GADL1: variants seen among roughly 807,000 people sequenced by gnomAD.
GADL1 encodes the protein acidic amino acid decarboxylase GADL1.
A neutral mutation model predicts 69.5 loss-of-function variants in GADL1; 71 were observed. The observed-to-expected ratio is 1.02, with a 90% CI of 0.84 to 1.25. The LOEUF (loss-of-function observed/expected upper bound fraction) is 1.25, where lower values mean the gene tolerates loss of function less well. Among genes scored for constraint, GADL1 ranks in the 50% most tolerant of loss-of-function variants. The probability of loss-of-function intolerance (pLI) is 0.00; values close to 1 mark genes in which losing one functional copy is unlikely to be tolerated. For missense variants in GADL1, 737 were observed against 631.8 expected, an observed-to-expected ratio of 1.17 and a Z score of -1.79; for synonymous variants, 254 against 214.4, an observed-to-expected ratio of 1.18 and a Z score of -1.62.
chr3:30,822,410 GC>G (rs562500225), intron 11 of GADL1, among the ~76,000 whole-genome samples: 36 of 152,112 alleles, frequency 2.4e-4, no homozygotes, highest in African/African-American at 7.7e-4. Context: ...TGAATTAGCT[GC>G]TTTCGTGGTA....
chr3:30,889,084 T>TTAA (rs747921613), intron 1 of GADL1, among the ~76,000 whole-genome samples: 5 of 32,914 alleles, frequency 1.5e-4, no homozygotes, highest in Admixed American at 4.6e-4. Flanking sequence ...CGGTAATCTA[T>TTAA]AAAAAAAAAA....
At chr3:30,822,230 C>G (rs1697594719) in intron 11 of GADL1, among the ~76,000 whole-genome samples, 1 of 151,974 alleles carries the variant, frequency 6.6e-6, no homozygotes, top group African/African-American at 2.4e-5. Flanking sequence ...GTTTAGCTTC[C>G]CATGTTTCTG....
chr3:30,777,753 C>CAT (rs1221975346), intron 14 of GADL1, among the ~76,000 whole-genome samples: 8 of 152,202 alleles, frequency 5.3e-5, no homozygotes, highest in Non-Finnish European at 1.2e-4. Context: ...GGGTGTAAGA[C>CAT]ATAGGGCCTT....
chr3:30,809,575 A>G (rs1000081436), intron 11 of GADL1, among the ~76,000 whole-genome samples: 5 of 152,148 alleles, frequency 3.3e-5, no homozygotes, highest in African/African-American at 1.2e-4. Context: ...GCATTTTCCA[A>G]TCACTGGTAT....
intron 1 of GADL1, among the ~76,000 whole-genome samples, chr3:30,872,074 C>T (rs1384350290): frequency 6.6e-6 from 1 of 151,878 alleles, no homozygotes. Flanking sequence ...AATAAGGCAG[C>T]TCTCCAAACC....
At chr3:30,800,122 T>A (rs1324129975) in intron 12 of GADL1, 1 of 152,794 alleles carries the variant, frequency 6.5e-6, no homozygotes, top group East Asian at 1.9e-4. Flanking sequence ...CCCATTCTAC[T>A]GGTACTAATT....
intron 1 of GADL1, among the ~76,000 whole-genome samples, chr3:30,880,321 C>G (rs1698626758): frequency 6.6e-6 from 1 of 151,586 alleles, no homozygotes; most frequent in Admixed American, 6.6e-5. Context: ...TGGCTGTGTC[C>G]CCACCCAAAT....
chr3:30,868,144 T>C (rs1698430944), intron 1 of GADL1, among the ~76,000 whole-genome samples: 1 of 152,078 alleles, frequency 6.6e-6, no homozygotes, highest in South Asian at 2.1e-4. Flanking sequence ...TAGGCTTTTA[T>C]AGTAAATGAG....
At chr3:30,767,439 G>C (rs1244743873) in intron 14 of GADL1, among the ~76,000 whole-genome samples, 2 of 152,088 alleles carry the variant, frequency 1.3e-5, no homozygotes, top group Non-Finnish European at 2.9e-5. Flanking sequence ...CAATAGAACA[G>C]ATTGGAAAAC....
chr3:30,801,563 C>A (rs2125507459), intron 11 of GADL1, among the ~76,000 whole-genome samples: 1 of 152,194 alleles, frequency 6.6e-6, no homozygotes, highest in Admixed American at 6.5e-5. Flanking sequence ...GGGATAAAAA[C>A]CCAGTGAAAG....
At chr3:30,732,623 G>C (rs1695475019) in intron 14 of GADL1, among the ~76,000 whole-genome samples, 1 of 152,158 alleles carries the variant, frequency 6.6e-6, no homozygotes, top group South Asian at 2.1e-4. Context: ...TGACCAAGCA[G>C]GGCAATTCGA....
chr3:30,790,200 C>T (rs576931368), intron 12 of GADL1, among the ~76,000 whole-genome samples: 1 of 152,194 alleles, frequency 6.6e-6, no homozygotes, highest in East Asian at 1.9e-4. Flanking sequence ...TGCTGTGTCT[C>T]AGGAAATTGG....
intron 14 of GADL1, among the ~76,000 whole-genome samples, chr3:30,761,216 A>G (rs1178318352): frequency 6.6e-6 from 1 of 152,186 alleles, no homozygotes; most frequent in African/African-American, 2.4e-5. Flanking sequence ...CACATTATAT[A>G]TTGAGAGATG....
At chr3:30,781,386 C>T (rs952308081) in intron 13 of GADL1, among the ~76,000 whole-genome samples, 1 of 152,176 alleles carries the variant, frequency 6.6e-6, no homozygotes, top group African/African-American at 2.4e-5. Flanking sequence ...AGAAATTCAT[C>T]TCCTTTGCTT....
At chr3:30,804,794 C>T (rs1402128573) in intron 11 of GADL1, among the ~76,000 whole-genome samples, 4 of 152,170 alleles carry the variant, frequency 2.6e-5, no homozygotes, top group African/African-American at 9.7e-5. Context: ...GTTTTTACTA[C>T]TTTACTGTCT....
rs191954776 is a variant in GADL1 at position 30,848,032 on chromosome 3, A to G, written c.651+1964T>C. On this transcript the variant is annotated intron_variant, in intron 6 of 14. Transcript: ENST00000282538. The stretch of plus-strand genomic sequence containing the variant: ...GAGCTGATAACCTGGGCGCTATTTA[A>G]TCAGCTTTCCCAAGCTTGGAAATAG... Among the ~76,000 whole-genome samples, 204 of 152,312 alleles carry G rather than the reference A, an allele frequency of 1.3e-3. 1 individual carries two copies. The highest frequency in any genetic ancestry group is 1.3e-3 in the Non-Finnish European group (87 of 68,024).
At chr3:30,800,720 A>G (rs1334636673) in intron 12 of GADL1, 169 bp downstream of exon 12, 4 of 630,084 alleles carry the variant, frequency 6.3e-6, no homozygotes, top group Admixed American at 2.7e-5. Context: ...TGTGTATTGG[A>G]TGAAATAATG....
chr3:30,829,443 TA>T (rs1697748716), intron 11 of GADL1, among the ~76,000 whole-genome samples: 1 of 151,912 alleles, frequency 6.6e-6, no homozygotes, highest in African/African-American at 2.4e-5. Context: ...ATTTACTAAG[TA>T]ATTTCTTTTA....
At chr3:30,876,831 C>T (rs1698582992) in intron 1 of GADL1, among the ~76,000 whole-genome samples, 1 of 151,922 alleles carries the variant, frequency 6.6e-6, no homozygotes, top group Non-Finnish European at 1.5e-5. Context: ...TGTCTGTCTT[C>T]TTCATTAACA....
Sources: allele counts gnomAD v4.1 joint callset (sites outside exome capture counted in the v4.1 genomes callset), GRCh38; gene constraint gnomAD v4.1.1; transcripts MANE v1.5; gene names NCBI Gene and HGNC (gene_info 2026-07-23, HGNC 2026-07-21).